MIPEP: variants seen among roughly 807,000 people sequenced by gnomAD.
MIPEP encodes mitochondrial intermediate peptidase.
A neutral mutation model predicts 90.3 loss-of-function variants in MIPEP; 79 were observed. The ratio of observed to expected loss-of-function variants is 0.87; its 90% CI spans 0.73 to 1.05. MIPEP has a LOEUF of 1.05. Among genes scored for constraint, MIPEP ranks in the 50% least tolerant of loss-of-function variants. MIPEP has a pLI of 0.00. For missense variants in MIPEP, 940 were observed against 905.6 expected, an observed-to-expected ratio of 1.04 and a Z score of -0.49; for synonymous variants, 334 against 315.8, an observed-to-expected ratio of 1.06 and a Z score of -0.61.
intron 6 of MIPEP, among the ~76,000 whole-genome samples, chr13:23,869,681 T>C (rs1870698966): frequency 6.6e-6 from 1 of 152,168 alleles, no homozygotes; most frequent in Non-Finnish European, 1.5e-5. Flanking sequence ...GGCAAACCTC[T>C]ACCCAGTGCG....
intron 4 of MIPEP, 27 bp from the exon 5 acceptor site, chr13:23,874,936 T>C (rs779029880): frequency 1.9e-6 from 3 of 1,556,656 alleles, no homozygotes; most frequent in Non-Finnish European, 2.6e-6. Flanking sequence ...CCCCAGGTTA[T>C]AACAGGTAAT....
chr13:23,779,792 G>A (rs1406605925), intron 16 of MIPEP, among the ~76,000 whole-genome samples: 3 of 152,194 alleles, frequency 2.0e-5, no homozygotes, highest in Non-Finnish European at 2.9e-5. Context: ...CTTAGCAAAC[G>A]GCACACGAGG....
chr13:23,888,634 A>C (rs1871631200), intron 1 of MIPEP: 14 of 866,858 alleles, frequency 1.6e-5, no homozygotes, highest in Non-Finnish European at 1.9e-5. Flanking sequence ...CTTTGAAATA[A>C]ATTAATTAAT....
Position 23,756,606 on chromosome 13 carries a change from C to G in MIPEP, c.1983G>C (p.Glu661Asp), listed in dbSNP as rs774962047. 1.6e-5 allele frequency: 26 copies of G among 1,613,236 alleles called. No homozygotes were observed. The highest frequency in any genetic ancestry group is 5.3e-5 in the African/African-American group (4 of 74,956). ...LQDPFNRAAG[E>D]RYRREMLAHG... ...GGGCCAGCATCTCCCTGCGATAGCG[C>G]TCCCCGGCAGCCCTGGGGAAGAGAG... The change falls in exon 18 of 19, where the codon GAG becomes GAC. Residue 661 changes from glutamate (E) to aspartate (D), a missense_variant. Glu to Asp is a conservative substitution (Grantham distance 45). Transcript: ENST00000382172.
At chr13:23,887,989 ACTAT>A in intron 1 of MIPEP, 1 of 343,854 alleles carries the variant, frequency 2.9e-6, no homozygotes, top group Non-Finnish European at 5.6e-6. Context: ...GGGAATTCTA[ACTAT>A]CGGATTACCA....
chr13:23,774,784 CTTTTTTTT>C lies in MIPEP; in HGVS notation c.1849-14575_1849-14568del, dbSNP rs67628137. Reference sequence around the variant, plus strand: ...ACCCTGCTGAACTGGTTTATCAGTTCTTTTTTTTTTTTTTTTTTTTTTTTTTTGAGATG... The same window carrying C: ...ACCCTGCTGAACTGGTTTATCAGTTCTTTTTTTTTTTTTTTTTTTGAGATG... On this transcript the variant is annotated intron_variant, in intron 16 of 18. Transcript: ENST00000382172. Among the ~76,000 whole-genome samples the C allele has an allele frequency of 1.8e-4, 12 of 68,290 alleles. No individual in the cohort carries two copies. In the South Asian group the frequency reaches 6.8e-3, roughly 39 times the overall value. The allele number at this position is 68,290 out of a possible 152,430, so 44.8% of individuals were successfully genotyped here. A position where few individuals can be genotyped will look rare whatever the true frequency, so the allele number is the denominator to read the frequency against.
chr13:23,739,040 T>A (rs893291306), intron 18 of MIPEP, among the ~76,000 whole-genome samples: 1 of 152,264 alleles, frequency 6.6e-6, no homozygotes, highest in African/African-American at 2.4e-5. Flanking sequence ...TGAAAAATAC[T>A]GAGCAAGAAA....
intron 7 of MIPEP, among the ~76,000 whole-genome samples, chr13:23,868,561 C>T (rs1468860476): frequency 6.6e-6 from 1 of 151,990 alleles, no homozygotes; most frequent in Non-Finnish European, 1.5e-5. Flanking sequence ...CCCAGGGGGC[C>T]CACCACAATG....
chr13:23,862,501 C>A (rs1320075271), intron 8 of MIPEP, 139 bp from the exon 9 acceptor site: 49 of 559,586 alleles, frequency 8.8e-5, no homozygotes, highest in Non-Finnish European at 6.4e-6. Flanking sequence ...CACTATTAAT[C>A]CAAATTTTAC....
chr13:23,880,524 G>A (rs113513049), intron 3 of MIPEP, among the ~76,000 whole-genome samples: 9 of 152,236 alleles, frequency 5.9e-5, no homozygotes, highest in African/African-American at 2.2e-4. Flanking sequence ...GCTTGTCCAT[G>A]AGACCAGCCC....
At chr13:23,841,724 C>T (rs976629666) in intron 10 of MIPEP, among the ~76,000 whole-genome samples, 1 of 152,150 alleles carries the variant, frequency 6.6e-6, no homozygotes, top group Non-Finnish European at 1.5e-5. Flanking sequence ...CATTCCCTAA[C>T]CTTTGTCCCT....
chr13:23,827,064 T>C (rs1454078641), intron 14 of MIPEP, among the ~76,000 whole-genome samples: 1 of 152,312 alleles, frequency 6.6e-6, no homozygotes, highest in East Asian at 1.9e-4. Context: ...ACAGGTTAAA[T>C]GCAAATACTA....
At chr13:23,814,971 G>A (rs1458061157) in intron 14 of MIPEP, among the ~76,000 whole-genome samples, 1 of 152,162 alleles carries the variant, frequency 6.6e-6, no homozygotes, top group African/African-American at 2.4e-5. Flanking sequence ...TTACTGAACT[G>A]TGAAGCCACA....
chr13:23,888,694 G>A (rs1226112818), intron 1 of MIPEP: 1 of 996,218 alleles, frequency 1.0e-6, no homozygotes, highest in Non-Finnish European at 1.2e-6. Context: ...TCGACTGCAG[G>A]CAGCCGTGTC....
intron 4 of MIPEP, among the ~76,000 whole-genome samples, chr13:23,875,587 A>G (rs914274956): frequency 3.9e-5 from 6 of 151,950 alleles, no homozygotes; most frequent in Non-Finnish European, 5.9e-5. Flanking sequence ...TTGAATGGAA[A>G]TAATCAAATA....
At chr13:23,860,507 T>C (rs987749801) in intron 9 of MIPEP, among the ~76,000 whole-genome samples, 2 of 152,094 alleles carry the variant, frequency 1.3e-5, no homozygotes, top group African/African-American at 2.4e-5. Context: ...CAGCAGAAGA[T>C]GAAGCTAGAG....
At chr13:23,779,966 G>A (rs1952761965) in intron 16 of MIPEP, among the ~76,000 whole-genome samples, 2 of 152,230 alleles carry the variant, frequency 1.3e-5, no homozygotes, top group Admixed American at 1.3e-4. Context: ...CCAGGAAGCT[G>A]GAACTGGGTG....
chr13:23,774,249 T>C (rs1952687081), intron 16 of MIPEP, among the ~76,000 whole-genome samples: 1 of 152,128 alleles, frequency 6.6e-6, no homozygotes, highest in African/African-American at 2.4e-5. Flanking sequence ...GGAATCTCAG[T>C]TGTATTCCAT....
rs571355591 is a variant in MIPEP, at chr13:23,738,374, T to C, written c.2045-7929A>G. On this transcript the variant is annotated intron_variant, in intron 18 of 18. Coordinates refer to ENST00000382172, the MANE Select transcript of MIPEP (RefSeq NM_005932.4). ...GTAGTTTATGTGTGGCCCAAGACAA[T>C]TCTTCTTCCAATGTGGCCCAGGGAA... Among the ~76,000 whole-genome samples, 9 of 152,094 alleles carry C rather than the reference T, an allele frequency of 5.9e-5. No individual in the cohort carries two copies. The South Asian group carries it at 1.0e-3, about 18-fold the overall frequency.
Sources: allele counts gnomAD v4.1 joint callset (sites outside exome capture counted in the v4.1 genomes callset), GRCh38; gene constraint gnomAD v4.1.1; transcripts MANE v1.5; gene names NCBI Gene and HGNC (gene_info 2026-07-23, HGNC 2026-07-21).